The following ETFB variants were observed in gnomAD, a reference collection of about 807,000 sequenced individuals.
ETFB encodes the protein electron transfer flavoprotein subunit beta.
ETFB carries 20 observed loss-of-function variants against 25.6 expected under a neutral mutation model. The ratio of observed to expected loss-of-function variants is 0.78; its 90% confidence interval spans 0.55 to 1.14. The LOEUF (loss-of-function observed/expected upper bound fraction) is 1.14, where lower values mean the gene tolerates loss of function less well. ETFB is among the 50% of genes most tolerant of loss of function. The pLI is 0.00. For missense variants in ETFB, 286 were observed against 342.6 expected (o/e 0.83, Z 1.30); for synonymous variants, 142 against 146.7 (o/e 0.97, Z 0.23).
At chr19:51,351,180 G>T (rs928225281) in intron 3 of ETFB, among the ~76,000 whole-genome samples, 3 of 152,214 alleles carry the variant, frequency 2.0e-5, no homozygotes, top group Non-Finnish European at 4.4e-5. Context: ...CCAGTGATTG[G>T]TTCAGGGAGG....
In ETFB at chr19:51,350,180, T is replaced by G. The variant is rs574783928; in HGVS notation, c.438+149A>C. On this transcript the variant is annotated intron_variant, in intron 4 of 5. Transcript: ENST00000309244. Reference sequence around the variant, plus strand: ...AAGAGGTGATACCTCAGCAGAGACCTCAAGGAGGGGAACAAGAAAGCCATG... The same window carrying G: ...AAGAGGTGATACCTCAGCAGAGACCGCAAGGAGGGGAACAAGAAAGCCATG... The G allele has an allele frequency of 5.8e-6, 5 of 859,856 alleles. No individual in the cohort carries two copies. In the East Asian group the frequency reaches 8.1e-5, roughly 14 times the overall value. 53.3% of individuals were successfully genotyped at this position (859,856 alleles called of 1,614,324 possible). A position where few individuals can be genotyped will look rare whatever the true frequency, so the allele number is the denominator to read the frequency against.
At chr19:51,355,720 A>T (rs1362147720) in intron 1 of ETFB, 4 of 152,124 alleles carry the variant, frequency 2.6e-5, no homozygotes, top group African/African-American at 9.7e-5. Flanking sequence ...AGACTGGATT[A>T]AGAAAATGTG....
chr19:51,355,998 C>T (rs919023859), intron 1 of ETFB: 19 of 151,012 alleles, frequency 1.3e-4, no homozygotes, highest in African/African-American at 3.9e-4. Context: ...TGCTAAAGGA[C>T]GAGTTACTGG....
At chr19:51,358,681 C>T (rs561770229) in intron 1 of ETFB, among the ~76,000 whole-genome samples, 12 of 152,176 alleles carry the variant, frequency 7.9e-5, no homozygotes, top group African/African-American at 2.2e-4. Context: ...TGGTAGTGCA[C>T]GCCTGTAATT....
At chr19:51,352,994 C>T in intron 3 of ETFB, 138 bp downstream of exon 3, 1 of 1,044,692 alleles carries the variant, frequency 9.6e-7, no homozygotes, top group South Asian at 1.3e-5. Flanking sequence ...TCAGAAGGGT[C>T]AGCAAAGTCC....
At chr19:51,364,525 G>A (rs1289526822) in intron 1 of ETFB, among the ~76,000 whole-genome samples, 3 of 152,176 alleles carry the variant, frequency 2.0e-5, no homozygotes, top group East Asian at 1.9e-4. Context: ...TGAGTCAAAC[G>A]TGGGCCTGCA....
At chr19:51,364,819 C>T (rs896836206) in intron 1 of ETFB, among the ~76,000 whole-genome samples, 7 of 152,178 alleles carry the variant, frequency 4.6e-5, no homozygotes, top group Non-Finnish European at 7.3e-5. Flanking sequence ...CCCGGGGTTT[C>T]GATCGTAACT....
intron 1 of ETFB, among the ~76,000 whole-genome samples, chr19:51,365,746 A>G (rs1986344124): frequency 6.6e-6 from 1 of 152,134 alleles, no homozygotes; most frequent in African/African-American, 2.4e-5. Context: ...CTCTCTCCCT[A>G]GCTAGAGCCT....
At chr19:51,356,412 C>T (rs117488111) in intron 1 of ETFB, 2,884 of 152,182 alleles carry the variant, frequency 0.019, 41 homozygotes, top group Non-Finnish European at 0.03. Context: ...TACCCTTTTT[C>T]GGAAAAATGC....
At chr19:51,356,691 A>G (rs1411495700) in intron 1 of ETFB, 1 of 152,012 alleles carries the variant, frequency 6.6e-6, no homozygotes, top group East Asian at 1.9e-4. Context: ...CCACTCTCCT[A>G]TTAGTTTCTC....
intron 1 of ETFB, among the ~76,000 whole-genome samples, chr19:51,360,410 AAAAG>A (rs1284324969): frequency 2.0e-4 from 30 of 152,120 alleles, no homozygotes; most frequent in African/African-American, 6.3e-4. Context: ...CAAAAAAAAA[AAAAG>A]AAAAGAAAAA....
At chr19:51,358,798 G>C (rs1242169962) in intron 1 of ETFB, among the ~76,000 whole-genome samples, 3 of 148,822 alleles carry the variant, frequency 2.0e-5, no homozygotes, top group Non-Finnish European at 4.4e-5. Flanking sequence ...GACAGAGCAA[G>C]ACTCCGCCTC....
At chr19:51,361,344 C>T (rs1032351944) in intron 1 of ETFB, among the ~76,000 whole-genome samples, 47 of 152,272 alleles carry the variant, frequency 3.1e-4, no homozygotes, top group African/African-American at 5.8e-4. Flanking sequence ...TCCCTGGGCA[C>T]GTGCTAGGGC....
At chr19:51,360,459 GACA>G (rs1223218857) in intron 1 of ETFB, among the ~76,000 whole-genome samples, 9 of 151,564 alleles carry the variant, frequency 5.9e-5, no homozygotes, top group Admixed American at 3.9e-4. Context: ...GACCCATGCA[GACA>G]ACGAGTCAAG....
At chr19:51,354,915 T>C (rs917514883) in intron 1 of ETFB, 6 of 423,548 alleles carry the variant, frequency 1.4e-5, no homozygotes, top group African/African-American at 1.2e-4. Context: ...CTGTGGGAAC[T>C]TGCACGGGGA....
At chr19:51,364,396 T>A (rs946757399) in intron 1 of ETFB, among the ~76,000 whole-genome samples, 1 of 152,156 alleles carries the variant, frequency 6.6e-6, no homozygotes, top group African/African-American at 2.4e-5. Context: ...GGCAGCACCC[T>A]CTGGAAAGGA....
intron 1 of ETFB, chr19:51,355,290 A>G (rs548879868): frequency 9.2e-4 from 141 of 152,730 alleles, no homozygotes; most frequent in Admixed American, 8.4e-3. Flanking sequence ...AAGGATATGA[A>G]TAGACACTTC....
At chr19:51,345,586 AACT>A in intron 5 of ETFB, 1 of 613,250 alleles carries the variant, frequency 1.6e-6, no homozygotes, top group Non-Finnish European at 2.9e-6. Context: ...TGGGAGGCCC[AACT>A]ACTGCAGCAG....
At chr19:51,362,125 G>A (rs950100704) in intron 1 of ETFB, among the ~76,000 whole-genome samples, 1 of 145,998 alleles carries the variant, frequency 6.8e-6, no homozygotes, top group African/African-American at 2.5e-5. Context: ...TTAGATACAC[G>A]CACATACCCA....
Sources: allele counts gnomAD v4.1 joint callset (sites outside exome capture counted in the v4.1 genomes callset), GRCh38; gene constraint gnomAD v4.1.1; transcripts MANE v1.5; gene names NCBI Gene and HGNC (gene_info 2026-07-23, HGNC 2026-07-21).